The following FGFR3 variants were observed in gnomAD, a reference collection of about 807,000 sequenced individuals.
FGFR3 encodes the protein FGFR-3.
In FGFR3, 25 loss-of-function variants were observed where a neutral mutation model predicts 82.9. That is an observed-to-expected ratio of 0.30 (90% confidence interval 0.22 to 0.42). FGFR3 has a LOEUF of 0.42. Ranked by LOEUF, FGFR3 falls within the 10% of genes least tolerant of loss-of-function variation. The pLI is 1.00. For missense variants in FGFR3, 1,026 were observed against 1,161.0 expected, an observed-to-expected ratio of 0.88 and a Z score of 1.69; for synonymous variants, 620 against 516.0, an observed-to-expected ratio of 1.20 and a Z score of -2.73.
In FGFR3 at chr4:1,799,414, G is replaced by T. The variant is rs779757540; in HGVS notation, c.270G>T (p.Gly90=). The T allele has an allele frequency of 1.4e-5, 22 of 1,611,606 alleles. No individual in the cohort carries two copies. The highest frequency in any genetic ancestry group is 1.9e-5 in the Non-Finnish European group (22 of 1,179,570). The change falls in exon 3 of 18, where the codon GGG becomes GGT. Residue 90 remains glycine (G), a synonymous_variant. Transcript: ENST00000440486. ...GLVPSERVLV[G]PQRLQVLNAS... ...TGCCCTCGGAGCGTGTCCTGGTGGG[G>T]CCCCAGCGGCTGCAGGTGCTGAATG...
intron 8 of FGFR3, 47 bp from the exon 9 acceptor site, chr4:1,804,283 C>A: frequency 1.3e-6 from 2 of 1,539,258 alleles, no homozygotes; most frequent in Non-Finnish European, 1.7e-6. Context: ...ATGGGAGCCC[C>A]GTGGGGGGGG....
At chr4:1,794,327 C>A (rs1245116479) in intron 2 of FGFR3, among the ~76,000 whole-genome samples, 2 of 152,234 alleles carry the variant, frequency 1.3e-5, no homozygotes, top group Non-Finnish European at 2.9e-5. Flanking sequence ...CTAGCCCTGG[C>A]CTGTCGGGAG....
Position 1,794,007 on chromosome 4 carries a change from T to G in FGFR3, c.73T>G (p.Leu25Val). 7.1e-7 allele frequency: 1 copy of G among 1,413,596 alleles called. No individual in the cohort carries two copies. Among genetic ancestry groups the G allele is most frequent in the South Asian group, 1.6e-5 (1 of 63,666 alleles). 87.6% of individuals were successfully genotyped at this position (1,413,596 alleles called of 1,614,324 possible). Residue 25 changes from leucine (L) to valine (V), a missense_variant, in exon 2 of 18, where the codon TTG becomes GTG. This residue lies in a region of FGFR3 where 226 missense variants were observed against 222.0 expected (regional missense o/e 1.02). Coordinates refer to ENST00000440486, the MANE Select transcript of FGFR3 (RefSeq NM_000142.5). ...CGTGGCCGGCGCCTCCTCGGAGTCCTTGGGGACGGAGCAGCGCGTCGTGGG... is the reference window on the plus strand; with the variant it reads ...CGTGGCCGGCGCCTCCTCGGAGTCCGTGGGGACGGAGCAGCGCGTCGTGGG... The part of the protein sequence containing the change: ...AIVAGASSES[L>V]GTEQRVVGRA...
At position 1,806,945 on chromosome 4, in the gene FGFR3, G is replaced by C. The variant is rs762088131; in HGVS notation, c.2274+11G>C. 5 of 1,587,524 alleles carry C rather than the reference G, an allele frequency of 3.1e-6. No homozygotes were observed. Among genetic ancestry groups the C allele is most frequent in the Non-Finnish European group, 4.3e-6 (5 of 1,167,070 alleles). On this transcript the variant is annotated intron_variant, in intron 17 of 17. Transcript: ENST00000440486. Reference sequence around the variant, plus strand: ...GTGACGTCCACCGACGTGAGTGCTGGCTCTGGCCTGGTGCCACCCGCCTAT... The same window carrying C: ...GTGACGTCCACCGACGTGAGTGCTGCCTCTGGCCTGGTGCCACCCGCCTAT...
rs940381970 is a variant in FGFR3 at position 1,808,510 on chromosome 4, C to T, written c.*1248C>T. 9 of 231,304 alleles carry T rather than the reference C, an allele frequency of 3.9e-5. No individual in the cohort carries two copies. The highest frequency in any genetic ancestry group is 6.8e-5 in the Non-Finnish European group (8 of 116,792). The allele number at this position is 231,304 out of a possible 1,614,324, so 14.3% of individuals were successfully genotyped here. Reference sequence around the variant, plus strand: ...GAGGGGCCGGCCCTGTGTGCAGGTTCCGATGTTATTAGATGTTACAAGTTT... The same window carrying T: ...GAGGGGCCGGCCCTGTGTGCAGGTTTCGATGTTATTAGATGTTACAAGTTT... On this transcript the variant is annotated 3_prime_UTR_variant, in exon 18 of 18. Coordinates refer to ENST00000440486, the MANE Select transcript of FGFR3 (RefSeq NM_000142.5).
At chr4:1,799,218 G>C in intron 2 of FGFR3, 36 bp from the exon 3 acceptor site, 1 of 1,611,262 alleles carries the variant, frequency 6.2e-7, no homozygotes, top group Admixed American at 1.7e-5. Flanking sequence ...CCGGGTTTGG[G>C]GGTGCCTGCC....
chr4:1,806,507 G>T (rs2108810894), intron 15 of FGFR3, 39 bp from the exon 16 acceptor site: 1 of 1,612,690 alleles, frequency 6.2e-7, no homozygotes, highest in Non-Finnish European at 8.5e-7. Flanking sequence ...TGTCTGTCCT[G>T]GGAGTCTCAG....
rs201702411 is a variant in FGFR3, at chr4:1,805,339, C to G, written c.1413-16C>G. 1.8e-4 allele frequency: 290 copies of G among 1,610,476 alleles called. 2 individuals are homozygous for G. In the African/African-American group the frequency reaches 3.5e-3, roughly 19 times the overall value. On this transcript the variant is annotated splice_polypyrimidine_tract_variant and intron_variant, in intron 10 of 17. Coordinates refer to ENST00000440486, the MANE Select transcript of FGFR3 (RefSeq NM_000142.5). ...GCGAGTTTGCACACTCATGGTCCCT[C>G]TGCCTCCACTGCCAGGCTGACCCTG...
chr4:1,803,121 C>CGCGCGCCCT lies in FGFR3; in HGVS notation c.931-568_931-560dup, dbSNP rs1560424338. 2.0e-6 allele frequency: 3 copies of CGCGCGCCCT among 1,468,254 alleles called. No homozygotes were observed. In the African/African-American group the frequency reaches 4.4e-5, roughly 22 times the overall value. 91.0% of individuals were successfully genotyped at this position (1,468,254 alleles called of 1,614,324 possible). On this transcript the variant is annotated intron_variant, in intron 7 of 17. Coordinates refer to ENST00000440486, the MANE Select transcript of FGFR3 (RefSeq NM_000142.5). Reference sequence around the variant, plus strand: ...AGAGCTCCAGCTCCAAGGCCCTGGCCGCGCGCCCTGCACGCCCCGCACGCC... The same window carrying CGCGCGCCCT: ...AGAGCTCCAGCTCCAAGGCCCTGGCCGCGCGCCCTGCGCGCCCTGCACGCCCCGCACGCC...
rs751098892 is a variant in FGFR3 at position 1,806,316 on chromosome 4, C to T, written c.2019C>T (p.His673=). The change falls in exon 15 of 18, where the codon CAC becomes CAT. Residue 673 remains histidine, a synonymous_variant. Coordinates refer to ENST00000440486, the MANE Select transcript of FGFR3 (RefSeq NM_000142.5). Reference sequence around the variant, plus strand: ...CCTTGTTTGACCGAGTCTACACTCACCAGAGTGACGTGTACGTGTCCTGCA... The same window carrying T: ...CCTTGTTTGACCGAGTCTACACTCATCAGAGTGACGTGTACGTGTCCTGCA... The part of the protein sequence containing the change: ...PEALFDRVYT[H]QSDVWSFGVL... 1.2e-6 allele frequency: 2 copies of T among 1,613,032 alleles called. No homozygotes were observed. The highest frequency in any genetic ancestry group is 3.3e-5 in the Admixed American group (2 of 60,018).
chr4:1,797,758 G>A (rs1384566125), intron 2 of FGFR3, among the ~76,000 whole-genome samples: 1 of 152,186 alleles, frequency 6.6e-6, no homozygotes. Context: ...TGAGCTGTGG[G>A]TCCCGGTGGG....
At position 1,799,430 on chromosome 4, in the gene FGFR3, G is replaced by A. The variant is rs1181504082; in HGVS notation, c.286G>A (p.Val96Met). The change falls in exon 3 of 18, where the codon GTG becomes ATG. Residue 96 changes from valine to methionine, a missense_variant. By Grantham distance (21) the Val-to-Met change is conservative. This residue lies in a region of FGFR3 where 226 missense variants were observed against 222.0 expected (regional missense o/e 1.02). Transcript: ENST00000440486. The part of the protein sequence containing the change: ...RVLVGPQRLQ[V>M]LNASHEDSGA... ...CCTGGTGGGGCCCCAGCGGCTGCAGGTGCTGAATGCCTCCCACGAGGACTC... is the reference window on the plus strand; with the variant it reads ...CCTGGTGGGGCCCCAGCGGCTGCAGATGCTGAATGCCTCCCACGAGGACTC... The A allele has an allele frequency of 6.2e-7, 1 of 1,610,840 alleles. No homozygotes were observed. The highest frequency in any genetic ancestry group is 1.7e-5 in the Admixed American group (1 of 59,786).
rs1212577208 is a variant in FGFR3, at chr4:1,804,917, G to A, written c.1360G>A (p.Val454Ile). 6.5e-7 allele frequency: 1 copy of A among 1,549,964 alleles called. No individual in the cohort carries two copies. The highest frequency in any genetic ancestry group is 2.0e-5 in the Admixed American group (1 of 51,010). Reference protein sequence around the residue: ...SSGEGPTLANVSELELPADPK... With the variant: ...SSGEGPTLANISELELPADPK... ...AGGGGAGGGCCCCACGCTGGCCAAT[G>A]TCTCCGAGCTCGAGCTGCCTGCCGA... Residue 454 changes from valine (V) to isoleucine (I), a missense_variant, in exon 10 of 18, where the codon GTC becomes ATC. By Grantham distance (29) the Val-to-Ile change is conservative. Around this residue, in one of 9 missense-constraint regions of FGFR3, gnomAD observed 256 missense variants for 217.6 expected, o/e 1.18. Transcript: ENST00000440486.
intron 7 of FGFR3, 80 bp downstream of exon 7, chr4:1,802,105 G>T: frequency 6.8e-7 from 1 of 1,475,776 alleles, no homozygotes; most frequent in Non-Finnish European, 9.3e-7. Flanking sequence ...TGCGGGTTGC[G>T]TGAGGATTTG....
At position 1,805,418 on chromosome 4, in the gene FGFR3, C is replaced by T. The variant is rs373254179; in HGVS notation, c.1476C>T (p.Ile492=). 2.1e-5 allele frequency: 34 copies of T among 1,612,138 alleles called. No individual in the cohort carries two copies. Among genetic ancestry groups the T allele is most frequent in the Middle Eastern group, 1.7e-4 (1 of 6,052 alleles). Reference sequence around the variant, plus strand: ...GCCAGGTGGTCATGGCGGAGGCCATCGGCATTGACAAGGACCGGGCCGCCA... The same window carrying T: ...GCCAGGTGGTCATGGCGGAGGCCATTGGCATTGACAAGGACCGGGCCGCCA... ...CFGQVVMAEA[I]GIDKDRAAKP... is the part of the protein sequence containing the mutation. The change falls in exon 11 of 18, where the codon ATC becomes ATT. Residue 492 remains isoleucine (I), a synonymous_variant. Transcript: ENST00000440486.
At position 1,803,742 on chromosome 4, in the gene FGFR3, C is replaced by T. The variant is rs749886786; in HGVS notation, c.981C>T (p.His327=). ...AGGAGCTAGAGGTTCTCTCCTTGCA[C>T]AACGTCACCTTTGAGGACGCCGGGG... The part of the protein sequence containing the change: ...TDKELEVLSL[H]NVTFEDAGEY... Residue 327 remains histidine, a synonymous_variant, in exon 8 of 18, where the codon CAC becomes CAT. Coordinates refer to ENST00000440486, the MANE Select transcript of FGFR3 (RefSeq NM_000142.5). 5 of 1,613,976 alleles carry T rather than the reference C, an allele frequency of 3.1e-6. No homozygotes were observed. Among genetic ancestry groups the T allele is most frequent in the Non-Finnish European group, 4.2e-6 (5 of 1,180,044 alleles).
chr4:1,808,132 C>T lies in FGFR3; in HGVS notation c.*870C>T. On this transcript the variant is annotated 3_prime_UTR_variant, in exon 18 of 18. Coordinates refer to ENST00000440486, the MANE Select transcript of FGFR3 (RefSeq NM_000142.5). ...TAAAGCTATTTATGGGCCCCTGGCA[C>T]TCTTGTTCCCACACCCCAACACTTC... 8.6e-6 allele frequency: 2 copies of T among 232,906 alleles called. No homozygotes were observed. The highest frequency in any genetic ancestry group is 6.0e-5 in the East Asian group (1 of 16,550). 14.4% of individuals were successfully genotyped at this position (232,906 alleles called of 1,614,324 possible). A position where few individuals can be genotyped will look rare whatever the true frequency, so the allele number is the denominator to read the frequency against.
intron 4 of FGFR3, among the ~76,000 whole-genome samples, 190 bp from the exon 5 acceptor site, chr4:1,801,177 C>G (rs376138532): frequency 6.6e-6 from 1 of 152,182 alleles, no homozygotes; most frequent in Admixed American, 6.5e-5. Flanking sequence ...GGACACACGG[C>G]CCAGCTCTGA....
chr4:1,796,029 C>T (rs1427715087), intron 2 of FGFR3, among the ~76,000 whole-genome samples: 1 of 152,182 alleles, frequency 6.6e-6, no homozygotes, highest in Non-Finnish European at 1.5e-5. Flanking sequence ...CCCCTTGTTA[C>T]AGCTGAGCTT....
Sources: gnomAD v4.1 joint callset for allele counts (sites outside exome capture counted in the v4.1 genomes callset) on GRCh38, gnomAD v4.1.1 for gene constraint, gnomAD v4.1.1 regional missense constraint, MANE v1.5 for transcripts, NCBI Gene and HGNC (gene_info 2026-07-23, HGNC 2026-07-21) for gene names.